CREB5: variants seen among roughly 807,000 people sequenced by gnomAD.
The protein encoded by CREB5 is cyclic AMP-responsive element-binding protein 5.
A neutral mutation model predicts 57.1 loss-of-function variants in CREB5; 19 were observed. The ratio of observed to expected loss-of-function variants is 0.33; its 90% CI spans 0.23 to 0.49. The LOEUF (loss-of-function observed/expected upper bound fraction) is 0.49. Ranked by LOEUF, CREB5 falls within the 20% of genes least tolerant of loss-of-function variation. The pLI is 0.99. For missense variants in CREB5, 579 were observed against 671.6 expected (o/e 0.86, Z 1.52); for synonymous variants, 238 against 238.3 (o/e 1.00, Z 0.01).
intron 4 of CREB5, among the ~76,000 whole-genome samples, chr7:28,560,941 CGTGTGT>C (rs1301747861): frequency 0.25 from 10,984 of 44,450 alleles, 2,490 homozygotes; most frequent in East Asian, 0.56. Flanking sequence ...TGTGTGCGTG[CGTGTGT>C]GTGCGTGTGT....
At chr7:28,375,162 G>A (rs982185865) in intron 1 of CREB5, among the ~76,000 whole-genome samples, 1 of 152,096 alleles carries the variant, frequency 6.6e-6, no homozygotes, top group Non-Finnish European at 1.5e-5. Context: ...AATTACCTAA[G>A]ACCTCCTTAG....
At chr7:28,796,596 G>A (rs755265065) in intron 7 of CREB5, among the ~76,000 whole-genome samples, 2 of 152,190 alleles carry the variant, frequency 1.3e-5, no homozygotes, top group Non-Finnish European at 2.9e-5. Flanking sequence ...AGGTCCTGGA[G>A]CCAGGCTTTA....
chr7:28,305,008 A>T (rs746265108), intron 1 of CREB5, among the ~76,000 whole-genome samples: 2 of 152,226 alleles, frequency 1.3e-5, no homozygotes, highest in Non-Finnish European at 2.9e-5. Flanking sequence ...GTCAAATTTT[A>T]TAACTAGGAA....
At chr7:28,598,572 G>A (rs1436951617) in intron 5 of CREB5, among the ~76,000 whole-genome samples, 2 of 152,154 alleles carry the variant, frequency 1.3e-5, no homozygotes, top group Non-Finnish European at 2.9e-5. Flanking sequence ...GTCATTCCTT[G>A]TGTCCCAGGT....
intron 4 of CREB5, among the ~76,000 whole-genome samples, chr7:28,560,935 T>C (rs1375810779): frequency 0.041 from 2,299 of 56,086 alleles, 345 homozygotes; most frequent in African/African-American, 0.15. Context: ...CGTGCGTGTG[T>C]GCGTGCGTGT....
upstream of CREB5, among the ~76,000 whole-genome samples, chr7:28,411,396 C>T (rs1267159882): frequency 6.6e-6 from 1 of 152,064 alleles, no homozygotes; most frequent in African/African-American, 2.4e-5. Flanking sequence ...TTGCTGCGTG[C>T]GTTAGTTTCT....
chr7:28,689,264 C>T (rs988193979), intron 5 of CREB5, among the ~76,000 whole-genome samples: 9 of 151,944 alleles, frequency 5.9e-5, no homozygotes, highest in Non-Finnish European at 1.2e-4. Flanking sequence ...GTCAGGAGAT[C>T]GAGACCATCC....
intron 4 of CREB5, among the ~76,000 whole-genome samples, chr7:28,538,311 C>T (rs1794058078): frequency 6.6e-6 from 1 of 152,218 alleles, no homozygotes; most frequent in Admixed American, 6.5e-5. Context: ...GCTTCGGCCT[C>T]CCAAAGTGCT....
intron 5 of CREB5, chr7:28,686,076 A>G (rs753673745): frequency 7.1e-5 from 110 of 1,547,718 alleles, no homozygotes; most frequent in Non-Finnish European, 8.5e-5. Flanking sequence ...CCTGGAATCA[A>G]ATGGGAAGGA....
intron 5 of CREB5, among the ~76,000 whole-genome samples, chr7:28,601,547 C>T (rs1008684900): frequency 6.6e-6 from 1 of 152,106 alleles, no homozygotes; most frequent in Non-Finnish European, 1.5e-5. Context: ...ATAATAGAGG[C>T]AATTTCAAAA....
intron 7 of CREB5, among the ~76,000 whole-genome samples, chr7:28,780,042 TACAGGGCATGAG>T (rs1317807289): frequency 1.3e-5 from 2 of 152,228 alleles, no homozygotes; most frequent in Non-Finnish European, 2.9e-5. Flanking sequence ...ATGTTGGGAT[TACAGGGCATGAG>T]CCACCACGCC....
chr7:28,582,783 G>T (rs546439170), intron 5 of CREB5, among the ~76,000 whole-genome samples: 1 of 152,188 alleles, frequency 6.6e-6, no homozygotes, highest in Admixed American at 6.5e-5. Flanking sequence ...TTCCATCAGA[G>T]CCTTGAGGAA....
intron 1 of CREB5, among the ~76,000 whole-genome samples, chr7:28,432,178 G>A (rs992054887): frequency 6.6e-6 from 1 of 152,160 alleles, no homozygotes; most frequent in African/African-American, 2.4e-5. Context: ...TTGGAGCGTT[G>A]TGTGTTTTGC....
At chr7:28,418,153 A>C (rs1788096306) in intron 1 of CREB5, among the ~76,000 whole-genome samples, 1 of 152,210 alleles carries the variant, frequency 6.6e-6, no homozygotes, top group Admixed American at 6.5e-5. Context: ...AGCTTTTAAC[A>C]AACTTGTGTT....
At chr7:28,575,134 A>G (rs559982652) in intron 5 of CREB5, among the ~76,000 whole-genome samples, 1 of 152,350 alleles carries the variant, frequency 6.6e-6, no homozygotes, top group East Asian at 1.9e-4. Context: ...ATGTAGTTCA[A>G]TGGACATGGC....
intron 5 of CREB5, among the ~76,000 whole-genome samples, chr7:28,589,539 G>A (rs1468618110): frequency 6.6e-6 from 1 of 152,176 alleles, no homozygotes; most frequent in Non-Finnish European, 1.5e-5. Context: ...GGGCGACAGA[G>A]CGACACTCTG....
At chr7:28,632,460 C>T (rs910903317) in intron 5 of CREB5, among the ~76,000 whole-genome samples, 5 of 152,210 alleles carry the variant, frequency 3.3e-5, no homozygotes, top group African/African-American at 1.2e-4. Flanking sequence ...CTCTCCCTCT[C>T]TCCTGTTGGT....
At chr7:28,809,661 G>A (rs997870713) in intron 9 of CREB5, among the ~76,000 whole-genome samples, 1 of 152,216 alleles carries the variant, frequency 6.6e-6, no homozygotes. Context: ...AAGTTGTAGG[G>A]GTGGGAGAAC....
At chr7:28,741,317 G>A (rs1447730727) in intron 7 of CREB5, among the ~76,000 whole-genome samples, 1 of 152,148 alleles carries the variant, frequency 6.6e-6, no homozygotes, top group African/African-American at 2.4e-5. Context: ...GTATCTGAAA[G>A]AGCCTCCCTC....
Sources: gnomAD v4.1 joint callset for allele counts (sites outside exome capture counted in the v4.1 genomes callset) on GRCh38, gnomAD v4.1.1 for gene constraint, MANE v1.5 for transcripts, NCBI Gene and HGNC (gene_info 2026-07-23, HGNC 2026-07-21) for gene names.